Variants in DGKB observed in about 807,000 individuals in gnomAD.
DGKB encodes the protein 90 kDa diacylglycerol kinase.
DGKB carries 67 observed loss-of-function variants against 114.3 expected under a neutral mutation model. That is an observed-to-expected ratio of 0.59 (90% confidence interval 0.48 to 0.72). The LOEUF (loss-of-function observed/expected upper bound fraction) is 0.72. Among genes scored for constraint, DGKB ranks in the 30% least tolerant of loss-of-function variants. DGKB has a pLI of 0.00. For synonymous variants in DGKB, 398 were observed against 323.1 expected (o/e 1.23, Z -2.49); for missense variants, 907 against 975.2 (o/e 0.93, Z 0.93).
At chr7:14,220,422 G>C (rs1385850529) in intron 23 of DGKB, among the ~76,000 whole-genome samples, 1 of 151,262 alleles carries the variant, frequency 6.6e-6, no homozygotes, top group Non-Finnish European at 1.5e-5. Flanking sequence ...TCTAAAATTA[G>C]TTGACCACAG....
chr7:14,439,218 T>G (rs1198782560), intron 21 of DGKB, among the ~76,000 whole-genome samples: 1 of 152,164 alleles, frequency 6.6e-6, no homozygotes, highest in Non-Finnish European at 1.5e-5. Flanking sequence ...TTAGCTAATG[T>G]CATCAGTGTT....
rs1022312740 is a variant in DGKB, at chr7:14,287,256, G to A, written c.2122+51259C>T. On this transcript the variant is annotated intron_variant, in intron 23 of 25. Transcript: ENST00000402815. ...CTGATTTTAAAAATTGAAACTAGAG[G>A]GTTTAAGATTTTATTGATCCCTCTA... is the stretch of plus-strand genomic sequence containing the variant. Among the ~76,000 whole-genome samples the A allele has an allele frequency of 3.3e-5, 5 of 151,986 alleles. No homozygotes were observed. In the South Asian group the frequency reaches 8.3e-4, roughly 25 times the overall value.
Position 14,414,464 on chromosome 7 carries a change from G to A in DGKB, c.1835+63697C>T, listed in dbSNP as rs544338368. ...AGAACAGCCCTTCCCTAGAAGCCAG[G>A]CACCGGGTTTGGTTTTGTCTGTGTC... On this transcript the variant is annotated intron_variant, in intron 21 of 25. Coordinates refer to ENST00000402815, the MANE Select transcript of DGKB (RefSeq NM_001350709.2). 1.5e-4 allele frequency among the ~76,000 whole-genome samples: 23 copies of A among 152,220 alleles called. 1 individual carries two copies. The South Asian group carries it at 4.8e-3, about 32-fold the overall frequency.
At chr7:14,732,860 T>G (rs1185380078) in intron 5 of DGKB, among the ~76,000 whole-genome samples, 1 of 152,178 alleles carries the variant, frequency 6.6e-6, no homozygotes, top group East Asian at 1.9e-4. Context: ...AAGTTTTAGG[T>G]TTGAATTTCT....
chr7:14,480,082 T>G (rs1375360674), intron 20 of DGKB, among the ~76,000 whole-genome samples: 1 of 151,924 alleles, frequency 6.6e-6, no homozygotes, highest in Non-Finnish European at 1.5e-5. Flanking sequence ...AATGACAAAT[T>G]TCTTCCTTTA....
In DGKB at chr7:14,340,977, A is replaced by G. The variant is rs1019312193; in HGVS notation, c.1927-2267T>C. On this transcript the variant is annotated intron_variant, in intron 22 of 25. Coordinates refer to ENST00000402815, the MANE Select transcript of DGKB (RefSeq NM_001350709.2). ...TCTGCAGAAAAGGAGAGCATGTTGC[A>G]AAGAGGCTTCTTTTTTTTTTAAAAA... Among the ~76,000 whole-genome samples the G allele has an allele frequency of 2.7e-4, 40 of 146,266 alleles. 1 individual carries two copies. The highest frequency in any genetic ancestry group is 7.6e-5 in the Non-Finnish European group (5 of 65,926).
intron 1 of DGKB, among the ~76,000 whole-genome samples, chr7:14,968,329 A>G (rs1787281378): frequency 6.6e-6 from 1 of 152,166 alleles, no homozygotes; most frequent in African/African-American, 2.4e-5. Flanking sequence ...GTTTGTGTAC[A>G]TGACTACTTG....
intron 13 of DGKB, among the ~76,000 whole-genome samples, chr7:14,648,192 A>C (rs1018968015): frequency 6.6e-6 from 1 of 152,236 alleles, no homozygotes; most frequent in African/African-American, 2.4e-5. Flanking sequence ...TCTGGGGGCA[A>C]GGCACAGACA....
chr7:14,561,329 C>G (rs565164956), intron 20 of DGKB, among the ~76,000 whole-genome samples: 1 of 152,076 alleles, frequency 6.6e-6, no homozygotes, highest in Non-Finnish European at 1.5e-5. Context: ...GTTTATTAAC[C>G]CTATTTTTCT....
intron 23 of DGKB, chr7:14,191,978 G>T (rs1302248123): frequency 3.1e-6 from 2 of 638,482 alleles, no homozygotes; most frequent in South Asian, 1.5e-5. Context: ...TGTCGATATG[G>T]TTCCTGGCAA....
At chr7:14,858,171 G>T (rs1228006267) in intron 1 of DGKB, among the ~76,000 whole-genome samples, 1 of 152,040 alleles carries the variant, frequency 6.6e-6, no homozygotes, top group Non-Finnish European at 1.5e-5. Flanking sequence ...ACATACCCTG[G>T]AACCAATTTT....
At chr7:14,424,669 G>A (rs1053870789) in intron 21 of DGKB, among the ~76,000 whole-genome samples, 2 of 151,918 alleles carry the variant, frequency 1.3e-5, no homozygotes, top group African/African-American at 2.4e-5. Context: ...GCTTCAAACC[G>A]GGTCTCCGGA....
chr7:14,750,201 T>C (rs1833907502), intron 4 of DGKB: 3 of 513,854 alleles, frequency 5.8e-6, no homozygotes, highest in Admixed American at 3.9e-5. Flanking sequence ...ATGCACATTA[T>C]GTTATAGTTA....
At chr7:14,546,200 C>T (rs1383412241) in intron 20 of DGKB, among the ~76,000 whole-genome samples, 1 of 152,268 alleles carries the variant, frequency 6.6e-6, no homozygotes, top group Middle Eastern at 3.4e-3. Context: ...TGGAACCCAA[C>T]CAATCCCAAT....
chr7:14,636,673 T>C (rs931351446), intron 13 of DGKB, among the ~76,000 whole-genome samples: 5 of 151,856 alleles, frequency 3.3e-5, no homozygotes, highest in Non-Finnish European at 5.9e-5. Flanking sequence ...AAATATGTCA[T>C]CATCAGATAG....
At chr7:14,837,879 G>A (rs1847372687) in intron 2 of DGKB, among the ~76,000 whole-genome samples, 1 of 152,110 alleles carries the variant, frequency 6.6e-6, no homozygotes, top group African/African-American at 2.4e-5. Flanking sequence ...GAAAGTCCTT[G>A]GAGCAGGAAA....
At chr7:14,277,150 T>C (rs1799142483) in intron 23 of DGKB, among the ~76,000 whole-genome samples, 1 of 146,992 alleles carries the variant, frequency 6.8e-6, no homozygotes, top group African/African-American at 2.5e-5. Flanking sequence ...CTTCCATGAG[T>C]TCAACTTTTA....
intron 23 of DGKB, among the ~76,000 whole-genome samples, chr7:14,270,048 C>CAAAAAA (rs397889901): frequency 5.7e-5 from 3 of 52,862 alleles, no homozygotes; most frequent in African/African-American, 1.5e-4. Context: ...GCTTTTTTTG[C>CAAAAAA]AAAAAAAAAA....
intron 23 of DGKB, among the ~76,000 whole-genome samples, chr7:14,225,883 A>C (rs1416484422): frequency 6.6e-6 from 1 of 151,918 alleles, no homozygotes; most frequent in Non-Finnish European, 1.5e-5. Context: ...TTACTACTTA[A>C]AAATTTAGAC....
Sources: gnomAD v4.1 joint callset for allele counts (sites outside exome capture counted in the v4.1 genomes callset) on GRCh38, gnomAD v4.1.1 for gene constraint, MANE v1.5 for transcripts, NCBI Gene and HGNC (gene_info 2026-07-23, HGNC 2026-07-21) for gene names.